S100Z: variants seen among roughly 807,000 people sequenced by gnomAD.
The protein encoded by S100Z is S100 calcium binding protein Z, also known as protein S100-Z.
Under a neutral mutation model 8.5 loss-of-function variants are expected in S100Z, and 11 were observed. The observed-to-expected ratio is 1.30, with a 90% confidence interval of 0.82 to 2.15. S100Z has a LOEUF of 2.15. Among genes scored for constraint, S100Z ranks in the 30% most tolerant of loss-of-function variants. The pLI is 0.00. For missense variants in S100Z, 126 were observed against 117.9 expected (o/e 1.07, Z -0.32); for synonymous variants, 34 against 43.8 (o/e 0.78, Z 0.89).
chr5:76,877,904 T>A, intron 4 of S100Z, 70 bp downstream of exon 4: 2 of 985,594 alleles, frequency 2.0e-6, no homozygotes, highest in Non-Finnish European at 3.1e-6. Context: ...TTTATACCGT[T>A]CAGATCTATA....
chr5:76,876,688 TGTTTAA>T (rs1402706079), intron 3 of S100Z, among the ~76,000 whole-genome samples: 1 of 152,320 alleles, frequency 6.6e-6, no homozygotes, highest in African/African-American at 2.4e-5. Context: ...GCTACTGTAC[TGTTTAA>T]CATTTAGCAT....
chr5:76,951,738 T>C, the S100Z span, among the ~76,000 whole-genome samples: 1 of 152,190 alleles, frequency 6.6e-6, no homozygotes, highest in Non-Finnish European at 1.5e-5. Context: ...AAGGACATGG[T>C]GGCCAGTGTC....
chr5:76,928,924 T>A, the S100Z span, among the ~76,000 whole-genome samples: 1 of 152,236 alleles, frequency 6.6e-6, no homozygotes, highest in Non-Finnish European at 1.5e-5. Flanking sequence ...ACATTTTTCG[T>A]AGAGACAAGG....
At chr5:76,935,964 A>G in the S100Z span, among the ~76,000 whole-genome samples, 1 of 152,086 alleles carries the variant, frequency 6.6e-6, no homozygotes, top group Non-Finnish European at 1.5e-5. Context: ...TTTAGTAGAG[A>G]TGGGGTTTCA....
intron 1 of S100Z, among the ~76,000 whole-genome samples, chr5:76,867,020 G>A (rs1742771596): frequency 6.6e-6 from 1 of 152,118 alleles, no homozygotes. Context: ...ACAAGCATGG[G>A]TCTGAGTCTC....
intron 1 of S100Z, among the ~76,000 whole-genome samples, chr5:76,867,903 C>T (rs1742840984): frequency 6.6e-6 from 1 of 152,116 alleles, no homozygotes; most frequent in African/African-American, 2.4e-5. Flanking sequence ...CTTTAAGCTC[C>T]CCCCAAATCT....
chr5:76,949,574 C>T, the S100Z span, among the ~76,000 whole-genome samples: 4 of 151,960 alleles, frequency 2.6e-5, no homozygotes, highest in Admixed American at 6.6e-5. Context: ...TAAATGTTGA[C>T]GAATGAATAA....
chr5:76,943,118 CT>C, the S100Z span, among the ~76,000 whole-genome samples: 1 of 152,084 alleles, frequency 6.6e-6, no homozygotes, highest in East Asian at 1.9e-4. Flanking sequence ...CTTGGGTTCT[CT>C]CATGATGGTG....
At chr5:76,918,451 C>T (rs1423982506) in intron 4 of S100Z, among the ~76,000 whole-genome samples, 1 of 152,194 alleles carries the variant, frequency 6.6e-6, no homozygotes, top group African/African-American at 2.4e-5. Flanking sequence ...AAGCAGTCCT[C>T]CCGTCTTGGC....
the S100Z span, among the ~76,000 whole-genome samples, chr5:76,946,476 A>G: frequency 6.6e-6 from 1 of 152,200 alleles, no homozygotes; most frequent in East Asian, 1.9e-4. Context: ...ATTATGGTGC[A>G]TAATCTTTAA....
intron 4 of S100Z, among the ~76,000 whole-genome samples, chr5:76,891,584 C>G (rs2150661390): frequency 6.6e-6 from 1 of 152,256 alleles, no homozygotes; most frequent in African/African-American, 2.4e-5. Flanking sequence ...CTAACAAACT[C>G]CCAGGTGTTG....
chr5:76,868,449 TAGG>T (rs1742868247), intron 1 of S100Z, among the ~76,000 whole-genome samples: 1 of 152,190 alleles, frequency 6.6e-6, no homozygotes, highest in Non-Finnish European at 1.5e-5. Context: ...TCTATTCTAT[TAGG>T]AGTTTTACCT....
the S100Z span, among the ~76,000 whole-genome samples, chr5:76,952,177 A>G: frequency 6.6e-6 from 1 of 152,180 alleles, no homozygotes; most frequent in African/African-American, 2.4e-5. Context: ...TAGCCCTGCA[A>G]ATTTGCTGGT....
At chr5:76,936,623 A>ACACACACG in the S100Z span, among the ~76,000 whole-genome samples, 2 of 129,520 alleles carry the variant, frequency 1.5e-5, no homozygotes, top group African/African-American at 6.3e-5. Flanking sequence ...TCCTACACAC[A>ACACACACG]CACACACACA....
chr5:76,915,520 A>G (rs1209585563), intron 4 of S100Z, among the ~76,000 whole-genome samples: 2 of 151,970 alleles, frequency 1.3e-5, no homozygotes, highest in African/African-American at 4.8e-5. Flanking sequence ...AGGCAGGAGA[A>G]TGGCGTGAAC....
intron 4 of S100Z, among the ~76,000 whole-genome samples, chr5:76,913,006 G>A (rs1744722305): frequency 6.6e-6 from 1 of 152,196 alleles, no homozygotes; most frequent in South Asian, 2.1e-4. Context: ...AAGTCAAAGA[G>A]AAGAAAGAGA....
chr5:76,930,374 G>A, the S100Z span, among the ~76,000 whole-genome samples: 1 of 152,148 alleles, frequency 6.6e-6, no homozygotes, highest in Non-Finnish European at 1.5e-5. Context: ...AGAAAAACAG[G>A]TGCACAGAAA....
Position 76,864,436 on chromosome 5 carries a change from C to T in S100Z, c.-175-5730C>T, listed in dbSNP as rs535720632. On this transcript the variant is annotated intron_variant, in intron 1 of 4. Coordinates refer to ENST00000317593, the MANE Select transcript of S100Z (RefSeq NM_130772.4). Reference sequence around the variant, plus strand: ...TTTTTTTTTGAGATGGAGTCTCACTCGGTCACCCAGGCTGGAGTGCAGTGG... The same window carrying T: ...TTTTTTTTTGAGATGGAGTCTCACTTGGTCACCCAGGCTGGAGTGCAGTGG... Among the ~76,000 whole-genome samples, 20 of 115,662 alleles carry T rather than the reference C, an allele frequency of 1.7e-4. 1 individual carries two copies. In the South Asian group the frequency reaches 5.7e-3, roughly 33 times the overall value. The allele number at this position is 115,662 out of a possible 152,430, so 75.9% of individuals were successfully genotyped here.
chr5:76,851,665 C>G (rs937307824), intron 1 of S100Z, among the ~76,000 whole-genome samples: 17 of 152,146 alleles, frequency 1.1e-4, no homozygotes, highest in Admixed American at 9.8e-4. Context: ...ATGCCAAAAT[C>G]AGTTTGCTGT....
Sources: allele counts gnomAD v4.1 joint callset (sites outside exome capture counted in the v4.1 genomes callset), GRCh38; gene constraint gnomAD v4.1.1; transcripts MANE v1.5; gene names NCBI Gene and HGNC (gene_info 2026-07-23, HGNC 2026-07-21).